The following LRRFIP2 variants were observed in gnomAD, a reference collection of about 807,000 sequenced individuals.
LRRFIP2 encodes LRR binding FLII interacting protein 2.
LRRFIP2 carries 109 observed loss-of-function variants against 125.9 expected under a neutral mutation model. That is an observed-to-expected ratio of 0.87 (90% CI 0.74 to 1.01). The LOEUF (loss-of-function observed/expected upper bound fraction) is 1.01. LRRFIP2 is among the 50% of genes least tolerant of loss of function. LRRFIP2 has a pLI of 0.00. For missense variants in LRRFIP2, 850 were observed against 862.3 expected (o/e 0.99, Z 0.18); for synonymous variants, 291 against 293.1 (o/e 0.99, Z 0.07).
At chr3:37,115,939 A>T (rs1212784748) in intron 6 of LRRFIP2, among the ~76,000 whole-genome samples, 1 of 152,204 alleles carries the variant, frequency 6.6e-6, no homozygotes, top group African/African-American at 2.4e-5. Flanking sequence ...ATACAAAACA[A>T]ATAAAAGCAA....
chr3:37,168,493 G>A (rs1032788809), intron 1 of LRRFIP2, among the ~76,000 whole-genome samples: 2 of 152,164 alleles, frequency 1.3e-5, no homozygotes, highest in African/African-American at 2.4e-5. Context: ...GAGTCAAAAA[G>A]TAGAACAATG....
chr3:37,152,877 G>T (rs928000117), intron 1 of LRRFIP2, among the ~76,000 whole-genome samples: 1 of 152,118 alleles, frequency 6.6e-6, no homozygotes, highest in South Asian at 2.1e-4. Flanking sequence ...TCCAATATTT[G>T]TCCATCAGTC....
chr3:37,173,856 GC>G (rs1265431150), intron 1 of LRRFIP2, among the ~76,000 whole-genome samples: 18 of 152,192 alleles, frequency 1.2e-4, no homozygotes. Flanking sequence ...GAGATACTTT[GC>G]CAAATATATT....
intron 9 of LRRFIP2, among the ~76,000 whole-genome samples, chr3:37,110,660 T>C (rs929695055): frequency 3.3e-5 from 5 of 152,186 alleles, no homozygotes; most frequent in African/African-American, 9.7e-5. Flanking sequence ...GAGGGTCAAA[T>C]AGATAATTAT....
chr3:37,053,785 T>C lies in LRRFIP2; in HGVS notation c.*66A>G. 9.8e-7 allele frequency: 1 copy of C among 1,023,562 alleles called. No homozygotes were observed. Among genetic ancestry groups the C allele is most frequent in the Non-Finnish European group, 1.5e-6 (1 of 645,408 alleles). 63.4% of individuals were successfully genotyped at this position (1,023,562 alleles called of 1,614,324 possible). A position where few individuals can be genotyped will look rare whatever the true frequency, so the allele number is the denominator to read the frequency against. ...CAGTACTAAAAGGGGTTTGTGTCAA[T>C]GGACAAAAGTCAGTCCCTCTAGGTA... On this transcript the variant is annotated 3_prime_UTR_variant, in exon 28 of 28. Transcript: ENST00000336686.
At chr3:37,094,246 T>C (rs1396212582) in intron 17 of LRRFIP2, among the ~76,000 whole-genome samples, 1 of 152,134 alleles carries the variant, frequency 6.6e-6, no homozygotes, top group Non-Finnish European at 1.5e-5. Flanking sequence ...GCAAATAAAA[T>C]ATATATTTTT....
intron 2 of LRRFIP2, among the ~76,000 whole-genome samples, chr3:37,134,397 C>A (rs1388055743): frequency 1.3e-5 from 2 of 152,172 alleles, no homozygotes; most frequent in East Asian, 1.9e-4. Flanking sequence ...CACTGCATCT[C>A]GCAAGAATTT....
chr3:37,124,900 T>C (rs2095217042), intron 4 of LRRFIP2, among the ~76,000 whole-genome samples: 1 of 152,134 alleles, frequency 6.6e-6, no homozygotes, highest in Non-Finnish European at 1.5e-5. Context: ...TGGACAAAGA[T>C]AACAGATTAC....
intron 2 of LRRFIP2, among the ~76,000 whole-genome samples, chr3:37,137,053 G>A (rs2095575999): frequency 1.3e-5 from 2 of 151,566 alleles, no homozygotes; most frequent in African/African-American, 4.8e-5. Context: ...CTGCAGCCTT[G>A]ACCTCCCAGG....
chr3:37,058,018 C>T (rs1277886451), intron 25 of LRRFIP2, among the ~76,000 whole-genome samples: 1 of 152,176 alleles, frequency 6.6e-6, no homozygotes, highest in Non-Finnish European at 1.5e-5. Flanking sequence ...TAACAAAATA[C>T]TTCTAGGAAA....
chr3:37,142,287 T>C (rs2095728526), intron 2 of LRRFIP2, among the ~76,000 whole-genome samples: 1 of 151,598 alleles, frequency 6.6e-6, no homozygotes. Context: ...TACAAGCACG[T>C]GTCACCATGC....
intron 6 of LRRFIP2, among the ~76,000 whole-genome samples, chr3:37,115,439 CA>C (rs1203927780): frequency 2.6e-5 from 4 of 152,100 alleles, no homozygotes; most frequent in Non-Finnish European, 5.9e-5. Context: ...ATTCTAAAGT[CA>C]AAAATGCTTT....
chr3:37,121,638 A>G lies in LRRFIP2; in HGVS notation c.282T>C (p.Tyr94=), dbSNP rs1364707848. Residue 94 remains tyrosine, a synonymous_variant, in exon 5 of 28, where the codon TAT becomes TAC. Transcript: ENST00000336686. ...AAGTGTATAGGTTATTACAAACCAG[A>G]TAAGGACGATGGTGACTGGACCGGT... ...YSHRSSHHRP[Y]LGVEDALSIR... 4 of 1,614,092 alleles carry G rather than the reference A, an allele frequency of 2.5e-6. No individual in the cohort carries two copies. The highest frequency in any genetic ancestry group is 3.4e-6 in the Non-Finnish European group (4 of 1,180,046).
chr3:37,081,555 T>G (rs1229095167), intron 19 of LRRFIP2, among the ~76,000 whole-genome samples: 2 of 132,152 alleles, frequency 1.5e-5, no homozygotes, highest in Non-Finnish European at 1.8e-5. Context: ...GAAGCAAATT[T>G]CCAGGGTATT....
rs147013276 is a variant in LRRFIP2, at chr3:37,136,004, T to C, written c.91-6855A>G. ...TGTAAATGAATGTTCATAGCAGCATTATTGACAATAGCCAAAAAGTAGAAA... is the reference window on the plus strand; with the variant it reads ...TGTAAATGAATGTTCATAGCAGCATCATTGACAATAGCCAAAAAGTAGAAA... On this transcript the variant is annotated intron_variant, in intron 2 of 27. Coordinates refer to ENST00000336686, the MANE Select transcript of LRRFIP2 (RefSeq NM_006309.4). 2.6e-3 allele frequency among the ~76,000 whole-genome samples: 392 copies of C among 152,332 alleles called. 6 individuals carry two copies. Among genetic ancestry groups the C allele is most frequent in the Admixed American group, 0.018 (275 of 15,302 alleles).
chr3:37,128,048 CTTA>C (rs1179395849), intron 3 of LRRFIP2, among the ~76,000 whole-genome samples: 1 of 152,122 alleles, frequency 6.6e-6, no homozygotes, highest in Non-Finnish European at 1.5e-5. Flanking sequence ...AGCTTATCCA[CTTA>C]TTATTATATT....
chr3:37,058,273 A>G (rs2087489884), intron 25 of LRRFIP2, among the ~76,000 whole-genome samples: 1 of 152,232 alleles, frequency 6.6e-6, no homozygotes, highest in South Asian at 2.1e-4. Context: ...TATCCCCTGA[A>G]GCACACAGGC....
At chr3:37,063,037 C>T (rs2089200489) in intron 24 of LRRFIP2, among the ~76,000 whole-genome samples, 1 of 152,130 alleles carries the variant, frequency 6.6e-6, no homozygotes, top group South Asian at 2.1e-4. Context: ...ACTGAAATAA[C>T]ACCAGATGCA....
intron 23 of LRRFIP2, chr3:37,064,553 A>G (rs1055923375): frequency 2.0e-5 from 3 of 147,386 alleles, no homozygotes; most frequent in Non-Finnish European, 4.5e-5. Flanking sequence ...CGCCACTACA[A>G]TCCTGCCTGG....
Sources: allele counts gnomAD v4.1 joint callset (sites outside exome capture counted in the v4.1 genomes callset), GRCh38; gene constraint gnomAD v4.1.1; transcripts MANE v1.5; gene names NCBI Gene and HGNC (gene_info 2026-07-23, HGNC 2026-07-21).